AOPEP: variants seen among roughly 807,000 people sequenced by gnomAD.
The protein encoded by AOPEP is aminopeptidase O.
Under a neutral mutation model 98.1 loss-of-function variants are expected in AOPEP, and 77 were observed. The ratio of observed to expected loss-of-function variants is 0.78; its 90% CI spans 0.65 to 0.95. AOPEP has a LOEUF of 0.95. Ranked by LOEUF, AOPEP falls within the 40% of genes least tolerant of loss-of-function variation. The probability of loss-of-function intolerance (pLI) is 0.00; values close to 1 mark genes in which losing one functional copy is unlikely to be tolerated. For missense variants in AOPEP, 1,024 were observed against 1,024.7 expected (o/e 1.00, Z 0.01); for synonymous variants, 346 against 365.3 (o/e 0.95, Z 0.60).
At chr9:94,882,546 C>G (rs563958847) in intron 5 of AOPEP, among the ~76,000 whole-genome samples, 1 of 152,312 alleles carries the variant, frequency 6.6e-6, no homozygotes, top group South Asian at 2.1e-4. Context: ...GAGGCCAAGG[C>G]AGGTGGATCA....
intron 7 of AOPEP, among the ~76,000 whole-genome samples, chr9:94,953,837 C>T (rs557601274): frequency 3.3e-5 from 5 of 152,306 alleles, no homozygotes; most frequent in African/African-American, 9.6e-5. Context: ...GCTGTAAATA[C>T]CTCCTCACTT....
At chr9:94,834,686 G>A (rs2041336918) in intron 5 of AOPEP, among the ~76,000 whole-genome samples, 1 of 152,080 alleles carries the variant, frequency 6.6e-6, no homozygotes, top group African/African-American at 2.4e-5. Context: ...CCAGCTACTC[G>A]GGAGGCTGAG....
chr9:94,969,792 C>T (rs72750345), intron 10 of AOPEP, among the ~76,000 whole-genome samples: 7,173 of 152,266 alleles, frequency 0.047, 474 homozygotes, highest in African/African-American at 0.15. Flanking sequence ...GAAGAGTTAA[C>T]ATTGCTTGCC....
At chr9:94,849,946 A>G (rs2043337884) in intron 5 of AOPEP, among the ~76,000 whole-genome samples, 1 of 151,542 alleles carries the variant, frequency 6.6e-6, no homozygotes. Flanking sequence ...GAGGCAGGAG[A>G]GTCGCTTGAA....
intron 7 of AOPEP, chr9:94,933,308 C>G (rs2055682372): frequency 1.0e-6 from 1 of 985,506 alleles, no homozygotes; most frequent in Non-Finnish European, 1.2e-6. Flanking sequence ...AGTTAGCACA[C>G]TCTGACAGGC....
chr9:94,960,095 A>T (rs1463559664), intron 9 of AOPEP, among the ~76,000 whole-genome samples: 1 of 152,220 alleles, frequency 6.6e-6, no homozygotes, highest in African/African-American at 2.4e-5. Flanking sequence ...TGTAGAAAAC[A>T]TCAGTTTATT....
intron 11 of AOPEP, chr9:95,004,207 G>A: frequency 2.2e-6 from 1 of 456,108 alleles, no homozygotes; most frequent in Non-Finnish European, 4.4e-6. Flanking sequence ...CCGGCAGGCG[G>A]GTTCCAGCAA....
intron 13 of AOPEP, chr9:95,056,121 A>G (rs926929096): frequency 1.3e-5 from 2 of 152,260 alleles, no homozygotes. Context: ...TCCAGCCAGG[A>G]TAAAAGGAAA....
intron 5 of AOPEP, among the ~76,000 whole-genome samples, chr9:94,816,200 A>T (rs1198240916): frequency 6.6e-6 from 1 of 152,116 alleles, no homozygotes; most frequent in African/African-American, 2.4e-5. Flanking sequence ...GGCCTTGTAG[A>T]TAGTTCCAGT....
chr9:94,950,865 G>A (rs143799674), intron 7 of AOPEP, among the ~76,000 whole-genome samples: 32 of 152,366 alleles, frequency 2.1e-4, no homozygotes, highest in African/African-American at 7.5e-4. Context: ...TGACATGCCA[G>A]AGGACAGTTC....
intron 11 of AOPEP, among the ~76,000 whole-genome samples, chr9:95,002,667 T>C (rs1436930270): frequency 6.6e-6 from 1 of 152,206 alleles, no homozygotes; most frequent in African/African-American, 2.4e-5. Context: ...TTAGAAAGTA[T>C]AGTGGAGTGA....
chr9:94,779,517 A>G (rs990187656), intron 3 of AOPEP, among the ~76,000 whole-genome samples: 2 of 152,186 alleles, frequency 1.3e-5, no homozygotes, highest in African/African-American at 2.4e-5. Flanking sequence ...TTAGAATGAC[A>G]TTTCAAAAAC....
At chr9:94,829,177 T>C (rs2069061251) in intron 5 of AOPEP, among the ~76,000 whole-genome samples, 1 of 151,904 alleles carries the variant, frequency 6.6e-6, no homozygotes. Context: ...CCACTAAGTT[T>C]CAAGATATAA....
Position 95,005,239 on chromosome 9 carries a change from G to A in AOPEP, c.2040+19G>A. 13 of 1,085,138 alleles carry A rather than the reference G, an allele frequency of 1.2e-5. No individual in the cohort carries two copies. Among genetic ancestry groups the A allele is most frequent in the Non-Finnish European group, 1.5e-5 (13 of 893,430 alleles). The allele number at this position is 1,085,138 out of a possible 1,614,324, so 67.2% of individuals were successfully genotyped here. The stretch of plus-strand genomic sequence containing the variant: ...CGCCGAGGTGAGTGCGGGCGGCGCG[G>A]TCCCTGCGCCCCGGTGGCGCCGGCG... On this transcript the variant is annotated intron_variant, in intron 12 of 16. Coordinates refer to ENST00000375315, the MANE Select transcript of AOPEP (RefSeq NM_001193329.3).
chr9:94,997,342 A>C (rs184123202), intron 11 of AOPEP, among the ~76,000 whole-genome samples: 48 of 152,320 alleles, frequency 3.2e-4, no homozygotes, highest in Non-Finnish European at 2.9e-5. Flanking sequence ...CCATCTGCCA[A>C]ATTGGACTTA....
rs779977263 is a variant in AOPEP at position 94,759,879 on chromosome 9, G to A, written c.96G>A (p.Val32=). ...AGCACTATGTACTGGATTTGGATGT[G>A]GATTTTGAAAGTCAAGTCATTGAGG... ...LVKHYVLDLD[V]DFESQVIEGT... is the part of the protein sequence containing the mutation. The change falls in exon 2 of 17, where the codon GTG becomes GTA. Residue 32 remains valine (V), a synonymous_variant. Transcript: ENST00000375315. 1.2e-6 allele frequency: 2 copies of A among 1,614,114 alleles called. No homozygotes were observed. The highest frequency in any genetic ancestry group is 1.7e-6 in the Non-Finnish European group (2 of 1,180,026).
chr9:95,088,483 A>G (rs2070818524), downstream of AOPEP, among the ~76,000 whole-genome samples: 1 of 151,362 alleles, frequency 6.6e-6, no homozygotes, highest in African/African-American at 2.4e-5. Context: ...TGCCGGGATT[A>G]TAGGCGTGAA....
At chr9:95,072,606 C>G (rs566606316) in intron 14 of AOPEP, among the ~76,000 whole-genome samples, 8 of 152,048 alleles carry the variant, frequency 5.3e-5, no homozygotes, top group Non-Finnish European at 1.0e-4. Flanking sequence ...GCACTCCAGA[C>G]TGAGCGACAG....
intron 3 of AOPEP, among the ~76,000 whole-genome samples, chr9:94,779,262 A>G (rs1346318060): frequency 6.6e-6 from 1 of 152,190 alleles, no homozygotes; most frequent in African/African-American, 2.4e-5. Context: ...GCAATTTCAG[A>G]TAGGCACTGA....
Sources: allele counts gnomAD v4.1 joint callset (sites outside exome capture counted in the v4.1 genomes callset), GRCh38; gene constraint gnomAD v4.1.1; transcripts MANE v1.5; gene names NCBI Gene and HGNC (gene_info 2026-07-23, HGNC 2026-07-21).